Variants in MARCHF3 observed in about 807,000 individuals in gnomAD.
The protein encoded by MARCHF3 is E3 ubiquitin-protein ligase MARCHF3.
Under a neutral mutation model 24.2 loss-of-function variants are expected in MARCHF3, and 13 were observed. The ratio of observed to expected loss-of-function variants is 0.54; its 90% CI spans 0.35 to 0.85. The LOEUF is 0.85. Among genes scored for constraint, MARCHF3 ranks in the 40% least tolerant of loss-of-function variants. The pLI, the probability that MARCHF3 is intolerant of heterozygous loss-of-function variation, is 0.01. For missense variants in MARCHF3, 276 were observed against 325.0 expected (o/e 0.85, Z 1.16); for synonymous variants, 144 against 137.3 (o/e 1.05, Z -0.34).
At chr5:126,976,309 G>A (rs74713793) in intron 1 of MARCHF3, among the ~76,000 whole-genome samples, 2,975 of 152,218 alleles carry the variant, frequency 0.02, 46 homozygotes, top group South Asian at 0.036. Context: ...TACATGACTC[G>A]ATCAATTTCA....
intron 1 of MARCHF3, among the ~76,000 whole-genome samples, chr5:126,943,833 C>T (rs62392904): frequency 9.9e-5 from 15 of 151,158 alleles, no homozygotes; most frequent in African/African-American, 3.4e-4. Context: ...TTTTTGGATA[C>T]GGAGTCTCGC....
chr5:126,952,948 T>C (rs1002710600), intron 1 of MARCHF3, among the ~76,000 whole-genome samples: 3 of 152,180 alleles, frequency 2.0e-5, no homozygotes, highest in Admixed American at 6.5e-5. Context: ...TCTATAGATA[T>C]TATTTGCTTC....
At chr5:126,899,938 G>A (rs7706577) in intron 3 of MARCHF3, among the ~76,000 whole-genome samples, 149,935 of 152,100 alleles carry the variant, frequency 0.99, 73,963 homozygotes, top group East Asian at 1. Context: ...CAAAGCTCAT[G>A]CCTTACATTA....
intron 1 of MARCHF3, among the ~76,000 whole-genome samples, chr5:126,959,830 T>TA (rs1341266881): frequency 6.6e-6 from 1 of 152,146 alleles, no homozygotes; most frequent in Admixed American, 6.5e-5. Flanking sequence ...ACTCAGTAAC[T>TA]AATAGACAGT....
At chr5:126,943,874 C>T (rs112269018) in intron 1 of MARCHF3, among the ~76,000 whole-genome samples, 300 of 151,820 alleles carry the variant, frequency 2.0e-3, no homozygotes, top group African/African-American at 4.6e-3. Flanking sequence ...GCCAGTGGTG[C>T]GATCTTGGCT....
At position 126,914,935 on chromosome 5, in the gene MARCHF3, C is replaced by T; in HGVS notation, c.388G>A (p.Val130Met). Residue 130 changes from valine (V) to methionine (M), a missense_variant, in exon 3 of 5, where the codon GTG (valine) becomes ATG (methionine). Val to Met is a conservative substitution (Grantham distance 21, BLOSUM62 1). Transcript: ENST00000308660. Reference sequence around the variant, plus strand: ...GACGTGCCCCACTTACTGACCTCCACTAACGGCCTGGGTTTGCGCTCGACT... The same window carrying T: ...GACGTGCCCCACTTACTGACCTCCATTAACGGCCTGGGTTTGCGCTCGACT... ...FAVERKPRPL[V>M]EWLRNPGPQH... 5.0e-6 allele frequency: 8 copies of T among 1,614,156 alleles called. No individual in the cohort carries two copies. The highest frequency in any genetic ancestry group is 2.2e-5 in the South Asian group (2 of 91,086).
intron 1 of MARCHF3, among the ~76,000 whole-genome samples, chr5:126,950,262 C>G (rs1340460737): frequency 6.6e-6 from 1 of 152,244 alleles, no homozygotes; most frequent in Non-Finnish European, 1.5e-5. Context: ...ACACATATGA[C>G]TCTACTGAAT....
At chr5:126,870,924 G>T in intron 4 of MARCHF3, 133 bp from the exon 5 acceptor site, 1 of 1,253,522 alleles carries the variant, frequency 8.0e-7, no homozygotes. Flanking sequence ...AAGAACCCTG[G>T]GAAAATGGCT....
chr5:126,974,388 C>A (rs73786246), intron 1 of MARCHF3, among the ~76,000 whole-genome samples: 5 of 152,152 alleles, frequency 3.3e-5, no homozygotes, highest in African/African-American at 1.2e-4. Context: ...CAGAAGCCTC[C>A]CCAGTGTGTC....
In MARCHF3 at chr5:126,892,932, G is replaced by A. The variant is rs562239532; in HGVS notation, c.394-14538C>T. Among the ~76,000 whole-genome samples, 598 of 151,712 alleles carry A rather than the reference G, an allele frequency of 3.9e-3. 2 individuals are homozygous for A. Among genetic ancestry groups the A allele is most frequent in the Middle Eastern group, 0.017 (5 of 294 alleles). ...TCCATCTGGTCCTGGACTCTTTTTCGTTGGTAAGCTATTGATTATTGCCAC... is the reference window on the plus strand; with the variant it reads ...TCCATCTGGTCCTGGACTCTTTTTCATTGGTAAGCTATTGATTATTGCCAC... On this transcript the variant is annotated intron_variant, in intron 3 of 4. Transcript: ENST00000308660.
chr5:126,955,280 A>C (rs1331841554), intron 1 of MARCHF3, among the ~76,000 whole-genome samples: 4 of 152,264 alleles, frequency 2.6e-5, no homozygotes, highest in African/African-American at 9.6e-5. Flanking sequence ...ATTAGGTCTC[A>C]TCATGACAAA....
intron 1 of MARCHF3, among the ~76,000 whole-genome samples, chr5:127,022,626 T>C (rs1480452242): frequency 6.6e-6 from 1 of 152,174 alleles, no homozygotes; most frequent in African/African-American, 2.4e-5. Context: ...TACACTCTCA[T>C]CTGGAACGTC....
chr5:126,871,710 CTCT>C (rs1333938256), intron 4 of MARCHF3, among the ~76,000 whole-genome samples: 2 of 145,388 alleles, frequency 1.4e-5, no homozygotes, highest in African/African-American at 2.6e-5. Flanking sequence ...AAGCCTCTCT[CTCT>C]TTTTTTTTTT....
intron 1 of MARCHF3, among the ~76,000 whole-genome samples, chr5:126,977,845 C>T (rs1370920304): frequency 6.6e-6 from 1 of 152,160 alleles, no homozygotes; most frequent in Non-Finnish European, 1.5e-5. Flanking sequence ...TCAAGGATGC[C>T]TTCAATGTAT....
chr5:126,877,993 CACAG>C (rs988960050), intron 4 of MARCHF3, among the ~76,000 whole-genome samples, 188 bp downstream of exon 4: 24 of 151,292 alleles, frequency 1.6e-4, no homozygotes, highest in African/African-American at 5.9e-4. Context: ...GCCTTAGCAG[CACAG>C]ACACACACAC....
At chr5:127,000,007 T>C (rs142592719) in intron 1 of MARCHF3, among the ~76,000 whole-genome samples, 38 of 149,252 alleles carry the variant, frequency 2.5e-4, no homozygotes, top group Non-Finnish European at 1.5e-5. Context: ...TATTATTCTA[T>C]AAAGTACATT....
Position 127,008,668 on chromosome 5 carries a change from C to T in MARCHF3, c.-57+21682G>A, listed in dbSNP as rs1307312323. On this transcript the variant is annotated intron_variant, in intron 1 of 4. Coordinates refer to ENST00000308660, the MANE Select transcript of MARCHF3 (RefSeq NM_178450.5). ...GGTAGAAGTTTTCTAAATTTAGAGT[C>T]TTTATCACCTGTTATTTGCTCTGAA... 4.6e-5 allele frequency among the ~76,000 whole-genome samples: 7 copies of T among 152,230 alleles called. No homozygotes were observed. The East Asian group carries it at 1.3e-3, about 29-fold the overall frequency.
At chr5:126,894,618 C>T (rs1257822401) in intron 3 of MARCHF3, among the ~76,000 whole-genome samples, 6 of 151,914 alleles carry the variant, frequency 3.9e-5, no homozygotes, top group Non-Finnish European at 7.4e-5. Context: ...TATTGGCCCC[C>T]ACTCTCTTCT....
intron 1 of MARCHF3, among the ~76,000 whole-genome samples, chr5:127,019,575 G>A (rs949810398): frequency 2.6e-5 from 4 of 152,168 alleles, no homozygotes; most frequent in Admixed American, 2.0e-4. Context: ...TGTAGATATT[G>A]TCTTGTCTCC....
Sources: gnomAD v4.1 joint callset for allele counts (sites outside exome capture counted in the v4.1 genomes callset) on GRCh38, gnomAD v4.1.1 for gene constraint, MANE v1.5 for transcripts, NCBI Gene and HGNC (gene_info 2026-07-23, HGNC 2026-07-21) for gene names.